DYRK1A: variants seen among roughly 807,000 people sequenced by gnomAD.
The protein encoded by DYRK1A is dual specificity tyrosine-phosphorylation-regulated kinase 1A.
Under a neutral mutation model 79.7 loss-of-function variants are expected in DYRK1A, and 9 were observed. That is an observed-to-expected ratio of 0.11 (90% CI 0.07 to 0.20). DYRK1A has a LOEUF of 0.20. Among genes scored for constraint, DYRK1A ranks in the 10% least tolerant of loss-of-function variants. The pLI is 1.00. For synonymous variants in DYRK1A, 349 were observed against 329.7 expected (o/e 1.06, Z -0.63); for missense variants, 622 against 956.0 (o/e 0.65, Z 4.61).
chr21:37,372,241 C>G (rs998942904), intron 1 of DYRK1A, among the ~76,000 whole-genome samples: 24 of 150,616 alleles, frequency 1.6e-4, no homozygotes, highest in Admixed American at 3.3e-4. Context: ...GCCAGGAGTT[C>G]GAAACCAGCC....
intron 6 of DYRK1A, among the ~76,000 whole-genome samples, chr21:37,489,464 C>T (rs1246724275): frequency 1.3e-5 from 2 of 152,122 alleles, no homozygotes; most frequent in Non-Finnish European, 2.9e-5. Flanking sequence ...TTTCCCCACT[C>T]ACAAGCCTCC....
At chr21:37,411,338 A>G (rs1261668831) in intron 1 of DYRK1A, among the ~76,000 whole-genome samples, 1 of 151,888 alleles carries the variant, frequency 6.6e-6, no homozygotes, top group Non-Finnish European at 1.5e-5. Flanking sequence ...CCTGAGTGAC[A>G]TAGTGAGACT....
intron 1 of DYRK1A, among the ~76,000 whole-genome samples, chr21:37,392,795 A>C (rs2049895602): frequency 6.6e-6 from 1 of 152,246 alleles, no homozygotes; most frequent in South Asian, 2.1e-4. Context: ...ATAATTTCTT[A>C]CAGTTCTGGA....
At chr21:37,398,211 G>A (rs2049993236) in intron 1 of DYRK1A, among the ~76,000 whole-genome samples, 1 of 150,986 alleles carries the variant, frequency 6.6e-6, no homozygotes, top group South Asian at 2.1e-4. Flanking sequence ...TGGCACAGTG[G>A]CAGGCACCTG....
At chr21:37,369,122 T>C (rs1244644786) in intron 1 of DYRK1A, among the ~76,000 whole-genome samples, 1 of 152,238 alleles carries the variant, frequency 6.6e-6, no homozygotes, top group African/African-American at 2.4e-5. Flanking sequence ...TTTTAGTTAT[T>C]CTTTGAATGC....
chr21:37,476,651 C>T (rs550541260), intron 3 of DYRK1A, among the ~76,000 whole-genome samples: 1 of 152,286 alleles, frequency 6.6e-6, no homozygotes, highest in South Asian at 2.1e-4. Context: ...GTTTATTACC[C>T]ATATTAATTT....
chr21:37,445,504 T>G (rs757687621), intron 2 of DYRK1A, among the ~76,000 whole-genome samples: 1 of 152,176 alleles, frequency 6.6e-6, no homozygotes, highest in African/African-American at 2.4e-5. Flanking sequence ...TGGAGAGAGA[T>G]ACACAGTAAA....
In DYRK1A at chr21:37,513,930, G is replaced by A. The variant is rs2053830968; in HGVS notation, c.*1399G>A. 1 of 152,524 alleles carries A rather than the reference G, an allele frequency of 6.6e-6. No individual in the cohort carries two copies. Among genetic ancestry groups the A allele is most frequent in the South Asian group, 2.1e-4 (1 of 4,826 alleles). The allele number at this position is 152,524 out of a possible 1,614,324, so 9.4% of individuals were successfully genotyped here. A position where few individuals can be genotyped will look rare whatever the true frequency, so the allele number is the denominator to read the frequency against. On this transcript the variant is annotated 3_prime_UTR_variant, in exon 12 of 12. Coordinates refer to ENST00000647188, the MANE Select transcript of DYRK1A (RefSeq NM_001347721.2). ...TTTTTAAATGTCAGTTGAAAATTAT[G>A]GCTGTACTATTGCTTAAACAAAACT...
chr21:37,389,185 T>TTC (rs918454840), intron 1 of DYRK1A, among the ~76,000 whole-genome samples: 1 of 151,448 alleles, frequency 6.6e-6, no homozygotes, highest in Admixed American at 6.6e-5. Flanking sequence ...GGCCTTACTT[T>TTC]TCTCTCTCTC....
At chr21:37,430,950 C>T (rs550817227) in intron 2 of DYRK1A, among the ~76,000 whole-genome samples, 1 of 152,280 alleles carries the variant, frequency 6.6e-6, no homozygotes, top group South Asian at 2.1e-4. Context: ...TTCTTTACCA[C>T]CCAGAATGGC....
In DYRK1A at chr21:37,453,464, C is replaced by T. The variant is rs181126816; in HGVS notation, c.11-19220C>T. On this transcript the variant is annotated intron_variant, in intron 2 of 11. Coordinates refer to ENST00000647188, the MANE Select transcript of DYRK1A (RefSeq NM_001347721.2). ...GAATCGAGGAAGGGTTTTGTTCTCA[C>T]AGTGAGGCAGGAGCATATTTTTATG... 1.1e-3 allele frequency among the ~76,000 whole-genome samples: 166 copies of T among 152,240 alleles called. No homozygotes were observed. In the Middle Eastern group the frequency reaches 0.017, roughly 16 times the overall value.
In DYRK1A at chr21:37,425,543, C is replaced by G. The variant is rs538241761; in HGVS notation, c.10+5159C>G. 2.9e-3 allele frequency: 436 copies of G among 152,142 alleles called. 1 individual carries two copies. Among genetic ancestry groups the G allele is most frequent in the African/African-American group, 0.01 (418 of 41,518 alleles). 9.4% of individuals were successfully genotyped at this position (152,142 alleles called of 1,614,324 possible). ...AATTGAATTTTTTACCTTAGTGTGTCTATTTAAGACCCAGGTAAAAGAAAA... is the reference window on the plus strand; with the variant it reads ...AATTGAATTTTTTACCTTAGTGTGTGTATTTAAGACCCAGGTAAAAGAAAA... On this transcript the variant is annotated intron_variant, in intron 2 of 11. Coordinates refer to ENST00000647188, the MANE Select transcript of DYRK1A (RefSeq NM_001347721.2).
Position 37,506,112 on chromosome 21 carries a change from G to A in DYRK1A, c.1533G>A (p.Gly511=). The A allele has an allele frequency of 6.2e-7, 1 of 1,611,820 alleles. No homozygotes were observed. Among genetic ancestry groups the A allele is most frequent in the Non-Finnish European group, 8.5e-7 (1 of 1,178,180 alleles). Residue 511 remains glycine, a synonymous_variant, in exon 11 of 12, where the codon GGG becomes GGA. Coordinates refer to ENST00000647188, the MANE Select transcript of DYRK1A (RefSeq NM_001347721.2). Reference sequence around the variant, plus strand: ...GTGATATTTCAGGTGGCTCATCGGGGACAAGCAACAGTGGGAGAGCCCGGT... The same window carrying A: ...GTGATATTTCAGGTGGCTCATCGGGAACAAGCAACAGTGGGAGAGCCCGGT... ...STSSSSGGSS[G]TSNSGRARSD... is the part of the protein sequence containing the mutation.
At chr21:37,451,862 T>C (rs1318180055) in intron 2 of DYRK1A, among the ~76,000 whole-genome samples, 1 of 152,162 alleles carries the variant, frequency 6.6e-6, no homozygotes, top group African/African-American at 2.4e-5. Context: ...TAGCATGACA[T>C]TTGATCCTGG....
chr21:37,372,201 T>C (rs894311805), intron 1 of DYRK1A, among the ~76,000 whole-genome samples: 3 of 151,682 alleles, frequency 2.0e-5, no homozygotes, highest in African/African-American at 7.3e-5. Context: ...CTCAGCACTT[T>C]GGGAGGCCAG....
intron 1 of DYRK1A, among the ~76,000 whole-genome samples, chr21:37,401,481 CCTTTTT>C (rs2050052507): frequency 7.4e-6 from 1 of 135,034 alleles, no homozygotes; most frequent in Non-Finnish European, 1.6e-5. Context: ...ATTTCTAGTT[CCTTTTT>C]TTTTTTTTTT....
intron 9 of DYRK1A, chr21:37,502,459 C>T (rs574625063): frequency 1.3e-5 from 2 of 152,112 alleles, no homozygotes; most frequent in East Asian, 1.9e-4. Context: ...ATAATATGCA[C>T]GTTTAACATT....
chr21:37,407,458 A>G (rs190125620), intron 1 of DYRK1A, among the ~76,000 whole-genome samples: 1 of 152,314 alleles, frequency 6.6e-6, no homozygotes, highest in East Asian at 1.9e-4. Context: ...CTTCTGTAAC[A>G]GAGTAGTTTG....
intron 2 of DYRK1A, among the ~76,000 whole-genome samples, chr21:37,434,720 T>C (rs543823745): frequency 6.6e-6 from 1 of 152,336 alleles, no homozygotes; most frequent in Non-Finnish European, 1.5e-5. Flanking sequence ...TTTTTGAAGC[T>C]ATATATTAAA....
Sources: allele counts gnomAD v4.1 joint callset (sites outside exome capture counted in the v4.1 genomes callset), GRCh38; gene constraint gnomAD v4.1.1; transcripts MANE v1.5; gene names NCBI Gene and HGNC (gene_info 2026-07-23, HGNC 2026-07-21).